Variants in ZC3H8 observed in about 807,000 individuals in gnomAD.
ZC3H8 encodes zinc finger CCCH domain-containing protein 8.
In ZC3H8, 27 loss-of-function variants were observed where a neutral mutation model predicts 42.5. The observed-to-expected ratio is 0.64, with a 90% CI of 0.47 to 0.88. The LOEUF is 0.88. Among genes scored for constraint, ZC3H8 ranks in the 40% least tolerant of loss-of-function variants. ZC3H8 has a pLI of 0.00. For missense variants in ZC3H8, 277 were observed against 336.1 expected (o/e 0.82, Z 1.37); for synonymous variants, 101 against 110.1 (o/e 0.92, Z 0.52).
intron 2 of ZC3H8, among the ~76,000 whole-genome samples, chr2:112,246,034 G>A (rs2104668002): frequency 6.6e-6 from 1 of 152,236 alleles, no homozygotes; most frequent in South Asian, 2.1e-4. Context: ...AAATTCTAGG[G>A]CCCTTAAGAA....
intron 1 of ZC3H8, among the ~76,000 whole-genome samples, chr2:112,252,939 C>T (rs551689760): frequency 5.1e-4 from 78 of 152,236 alleles, no homozygotes; most frequent in African/African-American, 1.8e-3. Flanking sequence ...GTCAGGAGAT[C>T]GAGACCATCC....
At chr2:112,218,415 CA>C in intron 8 of ZC3H8, among the ~76,000 whole-genome samples, 1 of 152,200 alleles carries the variant, frequency 6.6e-6, no homozygotes, top group African/African-American at 2.4e-5. Context: ...TAAGGTATAG[CA>C]TATTTTATCA....
At chr2:112,233,230 A>G (rs1347600672) in intron 6 of ZC3H8, 30 bp downstream of exon 6, 4 of 1,423,514 alleles carry the variant, frequency 2.8e-6, no homozygotes, top group African/African-American at 1.5e-5. Flanking sequence ...AAATATTTAT[A>G]AAGTCACCAT....
intron 2 of ZC3H8, 171 bp from the exon 3 acceptor site, chr2:112,238,699 TAAAAA>T: frequency 2.2e-6 from 1 of 462,018 alleles, no homozygotes; most frequent in Non-Finnish European, 3.7e-6. Flanking sequence ...TTTCCAGAAT[TAAAAA>T]AAAGAAAAAA....
chr2:112,231,332 A>G (rs1685080607), intron 7 of ZC3H8, among the ~76,000 whole-genome samples: 1 of 152,186 alleles, frequency 6.6e-6, no homozygotes, highest in Admixed American at 6.5e-5. Context: ...CTTAGATTAA[A>G]TTTTTAAGAG....
At chr2:112,236,325 A>G (rs943479449) in intron 4 of ZC3H8, among the ~76,000 whole-genome samples, 3 of 152,232 alleles carry the variant, frequency 2.0e-5, no homozygotes, top group Non-Finnish European at 2.9e-5. Flanking sequence ...AACAACAGTG[A>G]GAACGCTAAG....
At chr2:112,247,253 G>A (rs553721898) in intron 2 of ZC3H8, among the ~76,000 whole-genome samples, 1 of 152,244 alleles carries the variant, frequency 6.6e-6, no homozygotes, top group East Asian at 1.9e-4. Context: ...TTCTTAACTT[G>A]CAAAGTGTTT....
intron 8 of ZC3H8, among the ~76,000 whole-genome samples, chr2:112,220,325 C>A (rs548884554): frequency 2.0e-5 from 3 of 152,150 alleles, no homozygotes; most frequent in African/African-American, 7.2e-5. Context: ...CCCTTCAGGA[C>A]CTCTTGTAAG....
intron 8 of ZC3H8, among the ~76,000 whole-genome samples, chr2:112,229,812 CTT>C (rs1685013666): frequency 6.6e-6 from 1 of 151,392 alleles, no homozygotes; most frequent in African/African-American, 2.4e-5. Context: ...AGCTCCAAAA[CTT>C]AAAAAAAAAG....
intron 8 of ZC3H8, among the ~76,000 whole-genome samples, chr2:112,219,357 G>A (rs1247744242): frequency 6.6e-6 from 1 of 152,194 alleles, no homozygotes; most frequent in Non-Finnish European, 1.5e-5. Flanking sequence ...AACAAATGGT[G>A]CTAGGAAAAC....
intron 3 of ZC3H8, 43 bp from the exon 4 acceptor site, chr2:112,236,738 A>G (rs1197051600): frequency 6.5e-7 from 1 of 1,528,850 alleles, no homozygotes; most frequent in South Asian, 1.2e-5. Flanking sequence ...TAAAGTTACA[A>G]TAGCAGTTTA....
At chr2:112,218,760 T>C (rs1006267633) in intron 8 of ZC3H8, among the ~76,000 whole-genome samples, 7 of 152,184 alleles carry the variant, frequency 4.6e-5, no homozygotes, top group Non-Finnish European at 1.0e-4. Context: ...AGGCTATTAT[T>C]AGTTATGATT....
rs951564156 is a variant in ZC3H8 at position 112,213,238 on chromosome 2, G to A, written c.*3246C>T. On this transcript the variant is annotated 3_prime_UTR_variant, in exon 9 of 9. Transcript: ENST00000409573. ...TCCTGCCTTGGCCTCCCAAAGTGCCGAGATTCAAGGTGTGAGCCACTGCAC... is the reference window on the plus strand; with the variant it reads ...TCCTGCCTTGGCCTCCCAAAGTGCCAAGATTCAAGGTGTGAGCCACTGCAC... 10 of 152,136 alleles carry A rather than the reference G, an allele frequency of 6.6e-5. No individual in the cohort carries two copies. Among genetic ancestry groups the A allele is most frequent in the Non-Finnish European group, 1.3e-4 (9 of 68,106 alleles). 9.4% of individuals were successfully genotyped at this position (152,136 alleles called of 1,614,324 possible).
chr2:112,241,820 T>G (rs969474332), intron 2 of ZC3H8, among the ~76,000 whole-genome samples: 3 of 152,250 alleles, frequency 2.0e-5, no homozygotes, highest in African/African-American at 7.2e-5. Flanking sequence ...CTATAGCATT[T>G]GTTTTTAATA....
At chr2:112,225,418 A>G (rs1684778287) in intron 8 of ZC3H8, among the ~76,000 whole-genome samples, 1 of 152,154 alleles carries the variant, frequency 6.6e-6, no homozygotes, top group Non-Finnish European at 1.5e-5. Flanking sequence ...TTCAAGGCTA[A>G]AGTGAGCTAT....
chr2:112,234,105 T>C lies in ZC3H8; in HGVS notation c.621+15A>G, dbSNP rs1685213861. 2 of 1,427,032 alleles carry C rather than the reference T, an allele frequency of 1.4e-6. No individual in the cohort carries two copies. Among genetic ancestry groups the C allele is most frequent in the East Asian group, 4.8e-5 (2 of 41,260 alleles). The allele number at this position is 1,427,032 out of a possible 1,614,324, so 88.4% of individuals were successfully genotyped here. On this transcript the variant is annotated intron_variant, in intron 5 of 8. Transcript: ENST00000409573. ...TTTTACATTTTAGTAGATTTTTGCT[T>C]ACACATTTTTATACCTTAATACATT... is the stretch of plus-strand genomic sequence containing the variant.
At chr2:112,222,658 TATATGAGATAAAAAA>T (rs1684640796) in intron 8 of ZC3H8, among the ~76,000 whole-genome samples, 1 of 152,156 alleles carries the variant, frequency 6.6e-6, no homozygotes, top group African/African-American at 2.4e-5. Flanking sequence ...TGATTTCACT[TATATGAGATAAAAAA>T]AGGACATACT....
chr2:112,232,580 G>T (rs574410287), intron 6 of ZC3H8, among the ~76,000 whole-genome samples: 11 of 152,126 alleles, frequency 7.2e-5, no homozygotes, highest in African/African-American at 1.9e-4. Context: ...CATTCCTTTG[G>T]GGGTGGAGGA....
At chr2:112,220,852 T>C (rs1684552341) in intron 8 of ZC3H8, among the ~76,000 whole-genome samples, 1 of 152,122 alleles carries the variant, frequency 6.6e-6, no homozygotes, top group Admixed American at 6.5e-5. Flanking sequence ...CCTTTGTAGG[T>C]GACCTGCCTC....
Sources: gnomAD v4.1 joint callset for allele counts (sites outside exome capture counted in the v4.1 genomes callset) on GRCh38, gnomAD v4.1.1 for gene constraint, MANE v1.5 for transcripts, NCBI Gene and HGNC (gene_info 2026-07-23, HGNC 2026-07-21) for gene names.